The following ERBB4 variants were observed in gnomAD, a reference collection of about 807,000 sequenced individuals.
ERBB4 encodes erb-b2 receptor tyrosine kinase 4.
A neutral mutation model predicts 158.0 loss-of-function variants in ERBB4; 42 were observed. That is an observed-to-expected ratio of 0.27 (90% CI 0.21 to 0.34). ERBB4 has a LOEUF of 0.34. ERBB4 is among the 10% of genes least tolerant of loss of function. ERBB4 has a pLI of 1.00. For synonymous variants in ERBB4, 583 were observed against 558.7 expected (o/e 1.04, Z -0.61); for missense variants, 1,333 against 1,624.1 (o/e 0.82, Z 3.08).
chr2:211,442,657 T>C (rs2064010478), intron 20 of ERBB4, among the ~76,000 whole-genome samples: 1 of 151,936 alleles, frequency 6.6e-6, no homozygotes, highest in Non-Finnish European at 1.5e-5. Context: ...TATGTGTGTG[T>C]TATATGTATG....
chr2:211,951,395 C>T (rs2080871706), intron 2 of ERBB4, among the ~76,000 whole-genome samples: 1 of 152,008 alleles, frequency 6.6e-6, no homozygotes. Flanking sequence ...ATAATAAGTG[C>T]TCTAGAATGT....
chr2:211,427,750 A>G (rs1024642693), intron 22 of ERBB4, among the ~76,000 whole-genome samples: 1 of 151,994 alleles, frequency 6.6e-6, no homozygotes, highest in Non-Finnish European at 1.5e-5. Context: ...TTGAATATTT[A>G]TTGTATTCAG....
chr2:212,395,981 A>ACT (rs2091014495), intron 1 of ERBB4, among the ~76,000 whole-genome samples: 1 of 152,116 alleles, frequency 6.6e-6, no homozygotes, highest in South Asian at 2.1e-4. Context: ...TTTTAGAGAT[A>ACT]CTACGAGAGT....
chr2:212,215,190 A>C (rs1331986398), intron 1 of ERBB4, among the ~76,000 whole-genome samples: 1 of 151,508 alleles, frequency 6.6e-6, no homozygotes, highest in African/African-American at 2.4e-5. Context: ...AATTCACAGC[A>C]TTTTATGCTT....
At chr2:211,461,870 A>G (rs906468402) in intron 20 of ERBB4, among the ~76,000 whole-genome samples, 1 of 151,908 alleles carries the variant, frequency 6.6e-6, no homozygotes, top group Non-Finnish European at 1.5e-5. Context: ...AGTGTGTATT[A>G]GTTCCTACAC....
intron 19 of ERBB4, among the ~76,000 whole-genome samples, chr2:211,573,493 A>G (rs1005762773): frequency 2.6e-5 from 4 of 151,810 alleles, no homozygotes; most frequent in African/African-American, 9.7e-5. Flanking sequence ...ACACGGTAAA[A>G]CCCTGTCTCT....
intron 1 of ERBB4, among the ~76,000 whole-genome samples, chr2:212,382,343 G>A (rs2090531878): frequency 6.7e-6 from 1 of 150,346 alleles, no homozygotes; most frequent in Non-Finnish European, 1.5e-5. Flanking sequence ...AAACACATAT[G>A]TGCATATACA....
At chr2:211,500,971 T>C (rs967729004) in intron 20 of ERBB4, among the ~76,000 whole-genome samples, 6 of 152,058 alleles carry the variant, frequency 3.9e-5, no homozygotes, top group Non-Finnish European at 7.4e-5. Context: ...GTTTATTTTC[T>C]CTCATTACTT....
intron 20 of ERBB4, among the ~76,000 whole-genome samples, chr2:211,433,423 T>C (rs145670222): frequency 0.15 from 23,168 of 151,504 alleles, 2,070 homozygotes; most frequent in African/African-American, 0.26. Flanking sequence ...CTACTAAAAA[T>C]ACAAAAAATT....
At position 211,650,210 on chromosome 2, in the gene ERBB4, T is replaced by C. The variant is rs367897439; in HGVS notation, c.1946+7544A>G. ...AATAAATTCAACTCTTTTCTAAATA[T>C]ATGGCAGGCATAAAAACAGAAACTT... On this transcript the variant is annotated intron_variant, in intron 16 of 27. Coordinates refer to ENST00000342788, the MANE Select transcript of ERBB4 (RefSeq NM_005235.3). Among the ~76,000 whole-genome samples the C allele has an allele frequency of 7.2e-5, 11 of 152,178 alleles. No individual in the cohort carries two copies. In the East Asian group the frequency reaches 9.6e-4, roughly 13 times the overall value.
intron 3 of ERBB4, among the ~76,000 whole-genome samples, chr2:211,896,455 A>G (rs540793230): frequency 2.6e-5 from 4 of 152,278 alleles, no homozygotes; most frequent in South Asian, 2.1e-4. Context: ...AACAACTTTC[A>G]AAGAAATTTC....
intron 2 of ERBB4, among the ~76,000 whole-genome samples, chr2:212,020,151 G>C (rs146088636): frequency 1.3e-5 from 2 of 151,996 alleles, no homozygotes; most frequent in East Asian, 1.9e-4. Flanking sequence ...TATTCTGCTT[G>C]GGATATAAGA....
intron 3 of ERBB4, among the ~76,000 whole-genome samples, chr2:211,838,245 C>T (rs944562951): frequency 4.0e-5 from 6 of 151,804 alleles, no homozygotes; most frequent in Non-Finnish European, 7.4e-5. Flanking sequence ...TGTGTGTCAG[C>T]GGGGTGGGGG....
chr2:212,196,381 C>T (rs1211654505), intron 1 of ERBB4, among the ~76,000 whole-genome samples: 1 of 151,800 alleles, frequency 6.6e-6, no homozygotes, highest in Admixed American at 6.6e-5. Context: ...GGAGGAGCAA[C>T]AGGAAGCATT....
At position 211,815,514 on chromosome 2, in the gene ERBB4, A is replaced by AT. The variant is rs200688003; in HGVS notation, c.422-27356dup. On this transcript the variant is annotated intron_variant, in intron 3 of 27. Coordinates refer to ENST00000342788, the MANE Select transcript of ERBB4 (RefSeq NM_005235.3). ...GAAATGATAACAAAATAAAAAGGAG[A>AT]TTTTTTTTCCCCATAGGAATTTCAA... is the stretch of plus-strand genomic sequence containing the variant. Among the ~76,000 whole-genome samples, 48 of 152,166 alleles carry AT rather than the reference A, an allele frequency of 3.2e-4. 1 individual carries two copies. In the East Asian group the frequency reaches 7.2e-3, roughly 23 times the overall value.
intron 20 of ERBB4, among the ~76,000 whole-genome samples, chr2:211,482,357 T>G (rs2065104966): frequency 6.6e-6 from 1 of 152,134 alleles, no homozygotes; most frequent in African/African-American, 2.4e-5. Context: ...ATTAGAAGGG[T>G]CATGCCTCAG....
rs577889035 is a variant in ERBB4, at chr2:211,395,321, G to A, written c.3136-7329C>T. On this transcript the variant is annotated intron_variant, in intron 25 of 27. Coordinates refer to ENST00000342788, the MANE Select transcript of ERBB4 (RefSeq NM_005235.3). ...TTAAAATGTTTATTTTACAGATAGAGACTCTGACACTCTGAGAGGTTAATT... is the reference window on the plus strand; with the variant it reads ...TTAAAATGTTTATTTTACAGATAGAAACTCTGACACTCTGAGAGGTTAATT... Among the ~76,000 whole-genome samples, 13 of 152,152 alleles carry A rather than the reference G, an allele frequency of 8.5e-5. No individual in the cohort carries two copies. In the East Asian group the frequency reaches 1.9e-3, roughly 23 times the overall value.
chr2:212,500,036 T>C (rs181999275), intron 1 of ERBB4, among the ~76,000 whole-genome samples: 4 of 152,196 alleles, frequency 2.6e-5, no homozygotes, highest in Non-Finnish European at 5.9e-5. Context: ...ATTGCTAACA[T>C]ATAATCCCTT....
intron 20 of ERBB4, among the ~76,000 whole-genome samples, chr2:211,450,091 A>G (rs2064206818): frequency 6.6e-6 from 1 of 152,196 alleles, no homozygotes; most frequent in African/African-American, 2.4e-5. Context: ...CAAATAATAG[A>G]GTTGGAATTT....
Sources: allele counts gnomAD v4.1 joint callset (sites outside exome capture counted in the v4.1 genomes callset), GRCh38; gene constraint gnomAD v4.1.1; transcripts MANE v1.5; gene names NCBI Gene and HGNC (gene_info 2026-07-23, HGNC 2026-07-21).